CDC42SE2: variants seen among roughly 807,000 people sequenced by gnomAD.
CDC42SE2 encodes the protein CDC42 small effector protein 2.
A neutral mutation model predicts 11.5 loss-of-function variants in CDC42SE2; 3 were observed. The observed-to-expected ratio is 0.26, with a 90% CI of 0.12 to 0.67. The LOEUF is 0.67. Ranked by LOEUF, CDC42SE2 falls within the 30% of genes least tolerant of loss-of-function variation. The probability of loss-of-function intolerance (pLI) is 0.80; values close to 1 mark genes in which losing one functional copy is unlikely to be tolerated. For missense variants in CDC42SE2, 82 were observed against 106.8 expected, an observed-to-expected ratio of 0.77 and a Z score of 1.02; for synonymous variants, 33 against 34.8, an observed-to-expected ratio of 0.95 and a Z score of 0.18.
intron 1 of CDC42SE2, among the ~76,000 whole-genome samples, chr5:131,246,621 A>AT (rs1756585132): frequency 6.6e-6 from 1 of 151,866 alleles, no homozygotes; most frequent in South Asian, 2.1e-4. Flanking sequence ...TGGATAAATA[A>AT]TTTTTCTTGA....
intron 1 of CDC42SE2, among the ~76,000 whole-genome samples, chr5:131,271,985 G>A (rs988765663): frequency 1.3e-5 from 2 of 151,646 alleles, no homozygotes; most frequent in Non-Finnish European, 2.9e-5. Context: ...GGCCCTTTGT[G>A]TTGCTGGTTG....
At chr5:131,317,008 C>G (rs1009104491) in intron 2 of CDC42SE2, among the ~76,000 whole-genome samples, 1 of 152,130 alleles carries the variant, frequency 6.6e-6, no homozygotes, top group African/African-American at 2.4e-5. Flanking sequence ...TTGTATCTGA[C>G]TCTAATACTT....
At chr5:131,242,966 C>T (rs902033442), upstream of CDC42SE2, among the ~76,000 whole-genome samples, 2 of 152,220 alleles carry the variant, frequency 1.3e-5, no homozygotes, top group African/African-American at 4.8e-5. Flanking sequence ...CTAGTTCTTA[C>T]AATCATGCAA....
intron 1 of CDC42SE2, among the ~76,000 whole-genome samples, chr5:131,282,868 A>G (rs1757265481): frequency 6.7e-6 from 1 of 149,064 alleles, no homozygotes; most frequent in Non-Finnish European, 1.5e-5. Context: ...TGACCTCGTG[A>G]TGCGCCTGCC....
chr5:131,310,434 G>A (rs1360539753), intron 1 of CDC42SE2, among the ~76,000 whole-genome samples: 1 of 152,014 alleles, frequency 6.6e-6, no homozygotes, highest in Non-Finnish European at 1.5e-5. Flanking sequence ...TTGATTTGGG[G>A]TGGAGAGTTC....
intron 2 of CDC42SE2, among the ~76,000 whole-genome samples, chr5:131,256,235 C>T (rs763558294): frequency 9.9e-5 from 15 of 152,178 alleles, no homozygotes; most frequent in Non-Finnish European, 1.2e-4. Flanking sequence ...CCAGTCTTTT[C>T]CCATGGTTTC....
At chr5:131,305,611 T>A (rs532995334) in intron 1 of CDC42SE2, among the ~76,000 whole-genome samples, 1 of 152,206 alleles carries the variant, frequency 6.6e-6, no homozygotes, top group East Asian at 1.9e-4. Context: ...TAAGTTGTTT[T>A]CTTGCTATTC....
intron 2 of CDC42SE2, among the ~76,000 whole-genome samples, chr5:131,342,765 T>C (rs947760228): frequency 6.6e-6 from 1 of 151,956 alleles, no homozygotes; most frequent in Non-Finnish European, 1.5e-5. Context: ...CAGGTTGGAG[T>C]GCAGTGGCAC....
chr5:131,215,803 A>G, the CDC42SE2 span, among the ~76,000 whole-genome samples: 1 of 152,228 alleles, frequency 6.6e-6, no homozygotes, highest in Non-Finnish European at 1.5e-5. Context: ...TATCTATACA[A>G]TCCTCTATTT....
intron 3 of CDC42SE2, among the ~76,000 whole-genome samples, chr5:131,378,080 A>G (rs1037833366): frequency 6.6e-6 from 1 of 152,244 alleles, no homozygotes; most frequent in Non-Finnish European, 1.5e-5. Flanking sequence ...TTTAAGTACT[A>G]TAATTGAATA....
intron 1 of CDC42SE2, among the ~76,000 whole-genome samples, chr5:131,268,132 G>A (rs1580721211): frequency 7.4e-6 from 1 of 135,598 alleles, no homozygotes; most frequent in Non-Finnish European, 1.5e-5. Context: ...GCGCAATCTC[G>A]GCTCACTGCA....
At chr5:131,338,570 A>T (rs1758632061) in intron 2 of CDC42SE2, among the ~76,000 whole-genome samples, 1 of 152,196 alleles carries the variant, frequency 6.6e-6, no homozygotes, top group Non-Finnish European at 1.5e-5. Flanking sequence ...AGAGTTGTTG[A>T]GACTTCATTT....
intron 1 of CDC42SE2, among the ~76,000 whole-genome samples, chr5:131,252,759 A>G (rs1192116601): frequency 1.3e-5 from 2 of 152,180 alleles, no homozygotes; most frequent in African/African-American, 4.8e-5. Flanking sequence ...CCCTGAACTC[A>G]TTCTCTAGTT....
chr5:131,291,943 C>T (rs967900601), intron 1 of CDC42SE2, among the ~76,000 whole-genome samples: 1 of 152,012 alleles, frequency 6.6e-6, no homozygotes, highest in Non-Finnish European at 1.5e-5. Context: ...TATTAAGCAT[C>T]TTAAAAATGA....
At chr5:131,292,253 A>AAAAAAAAAAAAAG in intron 1 of CDC42SE2, among the ~76,000 whole-genome samples, 1 of 149,264 alleles carries the variant, frequency 6.7e-6, no homozygotes, top group Non-Finnish European at 1.5e-5. Flanking sequence ...AAAAAAAAAA[A>AAAAAAAAAAAAAG]AAAAAAAAAA....
At chr5:131,339,297 C>T (rs1034792982) in intron 2 of CDC42SE2, among the ~76,000 whole-genome samples, 2 of 146,944 alleles carry the variant, frequency 1.4e-5, no homozygotes, top group Non-Finnish European at 3.0e-5. Flanking sequence ...ACAGAGAGAC[C>T]TGGACTTGCA....
At chr5:131,310,826 CG>C (rs1561580174) in intron 1 of CDC42SE2, among the ~76,000 whole-genome samples, 1 of 151,852 alleles carries the variant, frequency 6.6e-6, no homozygotes. Flanking sequence ...TTATTTTGAG[CG>C]TATGTGTGTC....
chr5:131,335,290 T>G (rs1758527808), intron 2 of CDC42SE2, among the ~76,000 whole-genome samples: 2 of 152,260 alleles, frequency 1.3e-5, no homozygotes, highest in African/African-American at 4.8e-5. Flanking sequence ...AGTGAGTTTC[T>G]TAATCCTGAG....
intron 1 of CDC42SE2, among the ~76,000 whole-genome samples, chr5:131,295,096 C>T (rs1209806020): frequency 1.3e-5 from 2 of 150,950 alleles, no homozygotes; most frequent in Middle Eastern, 3.2e-3. Context: ...CACTGCGCTC[C>T]ATTCTGGGTG....
Sources: allele counts gnomAD v4.1 joint callset (sites outside exome capture counted in the v4.1 genomes callset), GRCh38; gene constraint gnomAD v4.1.1; transcripts MANE v1.5; gene names NCBI Gene and HGNC (gene_info 2026-07-23, HGNC 2026-07-21).